The following TNRC6B variants were observed in gnomAD, a reference collection of about 807,000 sequenced individuals.
TNRC6B encodes the protein trinucleotide repeat-containing gene 6B protein.
Under a neutral mutation model 203.6 loss-of-function variants are expected in TNRC6B, and 52 were observed. That is an observed-to-expected ratio of 0.26 (90% confidence interval 0.20 to 0.32). The LOEUF is 0.32. Ranked by LOEUF, TNRC6B falls within the 10% of genes least tolerant of loss-of-function variation. The pLI is 1.00. For missense variants in TNRC6B, 1,923 were observed against 2,286.2 expected (o/e 0.84, Z 3.24); for synonymous variants, 838 against 845.7 (o/e 0.99, Z 0.16).
At chr22:40,294,933 G>A (rs1456302453) in intron 12 of TNRC6B, among the ~76,000 whole-genome samples, 5 of 152,204 alleles carry the variant, frequency 3.3e-5, no homozygotes, top group South Asian at 2.1e-4. Flanking sequence ...TGGTGCTCAC[G>A]TGTGCTTGGA....
At chr22:40,207,928 C>T (rs1204577174) in intron 1 of TNRC6B, among the ~76,000 whole-genome samples, 1 of 151,828 alleles carries the variant, frequency 6.6e-6, no homozygotes, top group African/African-American at 2.4e-5. Flanking sequence ...CTGGCTAACA[C>T]GGTGAAACCC....
chr22:40,062,679 T>A (rs2067863686), intron 1 of TNRC6B, among the ~76,000 whole-genome samples: 1 of 152,162 alleles, frequency 6.6e-6, no homozygotes, highest in South Asian at 2.1e-4. Flanking sequence ...GGGTAGGAAA[T>A]GGTATTTTCA....
chr22:40,053,873 A>G (rs2146265128), intron 1 of TNRC6B, among the ~76,000 whole-genome samples: 1 of 152,324 alleles, frequency 6.6e-6, no homozygotes, highest in South Asian at 2.1e-4. Context: ...TTAATTTAAA[A>G]CATTTACTTA....
At chr22:40,120,335 CAAAA>C (rs11429406) in intron 2 of TNRC6B, among the ~76,000 whole-genome samples, 1 of 118,334 alleles carries the variant, frequency 8.5e-6, no homozygotes, top group Non-Finnish European at 1.9e-5. Flanking sequence ...GACCCTGTCT[CAAAA>C]AAAAAAAAAA....
At position 40,301,226 on chromosome 22, in the gene TNRC6B, C is replaced by G; in HGVS notation, c.4013C>G (p.Ser1338Cys). 6.4e-7 allele frequency: 1 copy of G among 1,559,156 alleles called. No homozygotes were observed. Among genetic ancestry groups the G allele is most frequent in the Non-Finnish European group, 8.7e-7 (1 of 1,150,906 alleles). The part of the protein sequence containing the change: ...QRQPGMKHSP[S>C]HPVGPKPHLD... ...CAGCCAGGCATGAAGCACTCGCCCTCTCATCCTGTTGGGCCCAAGCCGCAT... is the reference window on the plus strand; with the variant it reads ...CAGCCAGGCATGAAGCACTCGCCCTGTCATCCTGTTGGGCCCAAGCCGCAT... The change falls in exon 15 of 23, where the codon TCT becomes TGT. Residue 1338 changes from serine (S) to cysteine (C), a missense_variant. By Grantham distance (112) the Ser-to-Cys change is moderately radical. Transcript: ENST00000454349.
intron 3 of TNRC6B, among the ~76,000 whole-genome samples, chr22:40,257,410 T>G (rs540009460): frequency 6.6e-6 from 1 of 152,240 alleles, no homozygotes; most frequent in South Asian, 2.1e-4. Context: ...AGCACGTAAA[T>G]GGTTCTTAAA....
intron 1 of TNRC6B, among the ~76,000 whole-genome samples, chr22:40,045,318 C>A (rs1337586761): frequency 6.8e-6 from 1 of 146,180 alleles, no homozygotes; most frequent in Non-Finnish European, 1.5e-5. Flanking sequence ...CGGGCCGGGG[C>A]GCCCCGAACG....
At chr22:40,045,079 G>C (rs2067674417) in intron 1 of TNRC6B, 1 of 145,074 alleles carries the variant, frequency 6.9e-6, no homozygotes, top group African/African-American at 2.5e-5. Flanking sequence ...GGGGGTCGGC[G>C]AGGGCGCCCC....
At chr22:40,314,879 C>T (rs2071236238) in intron 19 of TNRC6B, among the ~76,000 whole-genome samples, 1 of 152,196 alleles carries the variant, frequency 6.6e-6, no homozygotes, top group African/African-American at 2.4e-5. Flanking sequence ...TTACTAATTA[C>T]TTTCTATTCA....
At chr22:40,114,863 G>A (rs1292402015) in intron 1 of TNRC6B, among the ~76,000 whole-genome samples, 1 of 151,830 alleles carries the variant, frequency 6.6e-6, no homozygotes, top group African/African-American at 2.4e-5. Flanking sequence ...GGAATTTGCC[G>A]CTATTTATAC....
chr22:40,174,554 AGTC>A (rs2069037022), upstream of TNRC6B, among the ~76,000 whole-genome samples: 1 of 152,214 alleles, frequency 6.6e-6, no homozygotes, highest in Non-Finnish European at 1.5e-5. Flanking sequence ...GAAAGATAAC[AGTC>A]ATTTGAATGT....
Position 40,323,113 on chromosome 22 carries a change from T to C in TNRC6B, c.5374T>C (p.Leu1792=), listed in dbSNP as rs1224525798. Reference sequence around the variant, plus strand: ...CGGGGCCGATCTTGCTGGCGCTTCATTGTGGGGGCCCCCAAACTATTCTTC... The same window carrying C: ...CGGGGCCGATCTTGCTGGCGCTTCACTGTGGGGGCCCCCAAACTATTCTTC... ...SSGADLAGAS[L]WGPPNYSSSL... is the part of the protein sequence containing the mutation. Residue 1792 remains leucine, a synonymous_variant, in exon 23 of 23, where the codon TTG becomes CTG. Transcript: ENST00000454349. The C allele has an allele frequency of 1.2e-6, 2 of 1,612,538 alleles. No homozygotes were observed. Among genetic ancestry groups the C allele is most frequent in the South Asian group, 1.1e-5 (1 of 90,944 alleles).
At chr22:40,077,028 AAAAG>A (rs1253649332) in intron 1 of TNRC6B, among the ~76,000 whole-genome samples, 1 of 151,780 alleles carries the variant, frequency 6.6e-6, no homozygotes, top group African/African-American at 2.4e-5. Context: ...AGAAGAGAAA[AAAAG>A]AAAAAAGAAA....
intron 6 of TNRC6B, among the ~76,000 whole-genome samples, chr22:40,272,716 G>A (rs545327313): frequency 2.6e-5 from 4 of 152,240 alleles, no homozygotes; most frequent in African/African-American, 4.8e-5. Context: ...AAACATTAAA[G>A]CCTCTTGGAT....
At chr22:40,234,784 T>C (rs139948795) in intron 1 of TNRC6B, among the ~76,000 whole-genome samples, 106 of 152,360 alleles carry the variant, frequency 7.0e-4, no homozygotes, top group African/African-American at 1.9e-3. Flanking sequence ...ATGATTTTTA[T>C]GCCCTAGTGC....
chr22:40,184,736 A>T (rs892354566), intron 1 of TNRC6B, among the ~76,000 whole-genome samples: 2 of 152,136 alleles, frequency 1.3e-5, no homozygotes, highest in African/African-American at 4.8e-5. Flanking sequence ...ATTTTGGAGG[A>T]GTTGGTCATT....
Position 40,323,182 on chromosome 22 carries a change from G to A in TNRC6B, c.5443G>A (p.Gly1815Ser). ...AACGGTGGAAGATCCCCATAGGATG[G>A]GCAGCCCTGCTCCTTTACTACCTGG... ...VPTVEDPHRM[G>S]SPAPLLPGDL... Residue 1815 changes from glycine to serine, a missense_variant, in exon 23 of 23, where the codon GGC becomes AGC. Physicochemically the swap from Gly to Ser is moderately conservative, Grantham distance 56. Coordinates refer to ENST00000454349, the MANE Select transcript of TNRC6B (RefSeq NM_001162501.2). The A allele has an allele frequency of 6.2e-7, 1 of 1,613,686 alleles. No individual in the cohort carries two copies. The highest frequency in any genetic ancestry group is 8.5e-7 in the Non-Finnish European group (1 of 1,179,872).
At chr22:40,077,274 G>A (rs754418291) in intron 1 of TNRC6B, among the ~76,000 whole-genome samples, 3 of 152,218 alleles carry the variant, frequency 2.0e-5, no homozygotes, top group East Asian at 3.9e-4. Context: ...AAGTGCCCAC[G>A]AGCAGAAAGC....
intron 21 of TNRC6B, among the ~76,000 whole-genome samples, chr22:40,318,559 A>T (rs932873988): frequency 3.3e-5 from 5 of 150,042 alleles, no homozygotes; most frequent in African/African-American, 7.4e-5. Context: ...AGAAAAAAAA[A>T]TTTTTTTTTT....
Sources: gnomAD v4.1 joint callset for allele counts (sites outside exome capture counted in the v4.1 genomes callset) on GRCh38, gnomAD v4.1.1 for gene constraint, MANE v1.5 for transcripts, NCBI Gene and HGNC (gene_info 2026-07-23, HGNC 2026-07-21) for gene names.